The following PLD5 variants were observed in gnomAD, a reference collection of about 807,000 sequenced individuals.
PLD5 encodes inactive phospholipase D5.
In PLD5, 36 loss-of-function variants were observed where a neutral mutation model predicts 61.1. The ratio of observed to expected loss-of-function variants is 0.59; its 90% CI spans 0.45 to 0.78. The LOEUF (loss-of-function observed/expected upper bound fraction) is 0.78, where lower values mean the gene tolerates loss of function less well. PLD5 is among the 30% of genes least tolerant of loss of function. The pLI, the probability that PLD5 is intolerant of heterozygous loss-of-function variation, is 0.00. For missense variants in PLD5, 515 were observed against 644.4 expected, an observed-to-expected ratio of 0.80 and a Z score of 2.17; for synonymous variants, 243 against 242.8, an observed-to-expected ratio of 1.00 and a Z score of -0.01.
chr1:242,241,442 A>G (rs1671998420), intron 4 of PLD5, among the ~76,000 whole-genome samples: 1 of 152,194 alleles, frequency 6.6e-6, no homozygotes, highest in Admixed American at 6.5e-5. Flanking sequence ...TTCTTTTCTT[A>G]TACCAACTGT....
intron 1 of PLD5, among the ~76,000 whole-genome samples, chr1:242,477,629 C>T (rs563058568): frequency 1.4e-4 from 21 of 152,272 alleles, no homozygotes; most frequent in African/African-American, 4.8e-4. Context: ...AGGCAGAGAT[C>T]AGGCAGCAGA....
intron 1 of PLD5, among the ~76,000 whole-genome samples, chr1:242,396,760 C>A (rs922276931): frequency 4.0e-5 from 6 of 150,998 alleles, no homozygotes; most frequent in South Asian, 2.1e-4. Context: ...GCAACCTCCA[C>A]CTCCACCACC....
chr1:242,138,347 A>C (rs1444559454), intron 5 of PLD5, among the ~76,000 whole-genome samples: 1 of 152,196 alleles, frequency 6.6e-6, no homozygotes, highest in African/African-American at 2.4e-5. Flanking sequence ...AATGAGTTAT[A>C]AAACAAAGCA....
intron 1 of PLD5, among the ~76,000 whole-genome samples, chr1:242,474,725 A>G (rs533055730): frequency 6.6e-6 from 1 of 152,134 alleles, no homozygotes; most frequent in East Asian, 1.9e-4. Flanking sequence ...TCTTTCATTT[A>G]TATCCATAAA....
chr1:242,395,015 GAA>G (rs1353924819), intron 1 of PLD5, among the ~76,000 whole-genome samples: 1 of 132,584 alleles, frequency 7.5e-6, no homozygotes, highest in Non-Finnish European at 1.6e-5. Context: ...GAATATATAT[GAA>G]TATATATGTA....
chr1:242,212,999 T>G (rs1669927934), intron 5 of PLD5, among the ~76,000 whole-genome samples: 1 of 152,148 alleles, frequency 6.6e-6, no homozygotes, highest in Non-Finnish European at 1.5e-5. Context: ...TCCTTGGAAT[T>G]CGCCCATTTT....
At chr1:242,364,110 C>T (rs1368137812) in intron 1 of PLD5, among the ~76,000 whole-genome samples, 4 of 151,888 alleles carry the variant, frequency 2.6e-5, no homozygotes, top group Non-Finnish European at 5.9e-5. Flanking sequence ...CAGAACTAAA[C>T]TTTTATGCAC....
intron 5 of PLD5, among the ~76,000 whole-genome samples, chr1:242,160,218 A>G (rs1349162316): frequency 6.6e-6 from 1 of 152,088 alleles, no homozygotes; most frequent in African/African-American, 2.4e-5. Context: ...GAGGGGACTC[A>G]TTATGTTGCC....
chr1:242,501,790 T>TTTTATATATATATA (rs770416059), intron 1 of PLD5, among the ~76,000 whole-genome samples: 270 of 147,196 alleles, frequency 1.8e-3, no homozygotes, highest in African/African-American at 5.9e-3. Flanking sequence ...TAATATTCCA[T>TTTTATATATATATA]TATATATATA....
chr1:242,348,227 T>C lies in PLD5; in HGVS notation c.205A>G (p.Ile69Val). ...CAGCACACCAGGGCAAAGATCACGATGCACTTCTGCTGGGACTGAAAGAGG... is the reference window on the plus strand; with the variant it reads ...CAGCACACCAGGGCAAAGATCACGACGCACTTCTGCTGGGACTGAAAGAGG... ...DKLEHSQQKC[I>V]VIFALVCCFA... Residue 69 changes from isoleucine to valine, a missense_variant, in exon 2 of 10, where the codon ATC (isoleucine) becomes GTC (valine). Around this residue, in one of 2 missense-constraint regions of PLD5, gnomAD observed 450 missense variants for 598.1 expected, o/e 0.75. Transcript: ENST00000536534. The C allele has an allele frequency of 1.9e-6, 3 of 1,606,278 alleles. No individual in the cohort carries two copies. The highest frequency in any genetic ancestry group is 1.7e-6 in the Non-Finnish European group (2 of 1,178,438).
At chr1:242,293,146 A>T (rs1241513868) in intron 2 of PLD5, among the ~76,000 whole-genome samples, 9 of 152,242 alleles carry the variant, frequency 5.9e-5, no homozygotes. Context: ...TTTCTTTAAA[A>T]AAGAGAATAG....
intron 1 of PLD5, among the ~76,000 whole-genome samples, chr1:242,499,772 C>T (rs1668492521): frequency 6.7e-6 from 1 of 149,786 alleles, no homozygotes; most frequent in South Asian, 2.1e-4. Flanking sequence ...ATGGATTGTG[C>T]AGGCAGGAAT....
chr1:242,360,605 A>T (rs1250364626), intron 1 of PLD5, among the ~76,000 whole-genome samples: 1 of 152,108 alleles, frequency 6.6e-6, no homozygotes, highest in African/African-American at 2.4e-5. Context: ...CTATCTAACA[A>T]CGATAAAATT....
At chr1:242,372,527 A>G (rs189727309) in intron 1 of PLD5, among the ~76,000 whole-genome samples, 322 of 152,326 alleles carry the variant, frequency 2.1e-3, no homozygotes, top group African/African-American at 7.5e-3. Context: ...GCATCACGCT[A>G]CCTGACTTCA....
In PLD5 at chr1:242,465,080, T is replaced by TCACCA. The variant is rs143101946; in HGVS notation, c.189+59007_189+59008insTGGTG. ...ATGTTTTAGAACTAAATAGAAGTGA[T>TCACCA]CACATCATCGCGAACATACCAAATG... On this transcript the variant is annotated intron_variant, in intron 1 of 9. Transcript: ENST00000536534. 6.4e-3 allele frequency among the ~76,000 whole-genome samples: 981 copies of TCACCA among 152,260 alleles called. 11 individuals are homozygous for TCACCA. The highest frequency in any genetic ancestry group is 0.022 in the African/African-American group (917 of 41,542).
intron 1 of PLD5, among the ~76,000 whole-genome samples, chr1:242,431,234 C>T (rs1665700010): frequency 6.6e-6 from 1 of 152,194 alleles, no homozygotes; most frequent in South Asian, 2.1e-4. Flanking sequence ...CCATTTCCCC[C>T]TTTCTTCAAA....
chr1:242,125,111 C>A (rs1024444599), intron 5 of PLD5, among the ~76,000 whole-genome samples: 1 of 152,190 alleles, frequency 6.6e-6, no homozygotes, highest in Non-Finnish European at 1.5e-5. Flanking sequence ...AGCTCCACAA[C>A]TTTCTAGCTG....
chr1:242,421,037 G>C (rs1847379), intron 1 of PLD5, among the ~76,000 whole-genome samples: 11 of 151,340 alleles, frequency 7.3e-5, no homozygotes, highest in Admixed American at 7.2e-4. Context: ...AAAATTAGCC[G>C]GGCGTGGTGG....
At chr1:242,335,684 G>T (rs960828448) in intron 2 of PLD5, among the ~76,000 whole-genome samples, 3 of 152,158 alleles carry the variant, frequency 2.0e-5, no homozygotes, top group African/African-American at 7.2e-5. Context: ...ATAAGGGACA[G>T]CCCTGATTCA....
Sources: allele counts gnomAD v4.1 joint callset (sites outside exome capture counted in the v4.1 genomes callset), GRCh38; gene constraint gnomAD v4.1.1; regional missense constraint gnomAD v4.1.1; transcripts MANE v1.5; gene names NCBI Gene and HGNC (gene_info 2026-07-23, HGNC 2026-07-21).